GALNT7: variants seen among roughly 807,000 people sequenced by gnomAD.
The protein encoded by GALNT7 is N-acetylgalactosaminyltransferase 7.
GALNT7 carries 60 observed loss-of-function variants against 82.1 expected under a neutral mutation model. That is an observed-to-expected ratio of 0.73 (90% CI 0.59 to 0.91). The LOEUF (loss-of-function observed/expected upper bound fraction) is 0.91, where lower values mean the gene tolerates loss of function less well. Among genes scored for constraint, GALNT7 ranks in the 40% least tolerant of loss-of-function variants. The pLI, the probability that GALNT7 is intolerant of heterozygous loss-of-function variation, is 0.00. For missense variants in GALNT7, 660 were observed against 804.2 expected (o/e 0.82, Z 2.17); for synonymous variants, 243 against 275.1 (o/e 0.88, Z 1.15).
chr4:173,190,566 C>G (rs962567522), intron 1 of GALNT7, among the ~76,000 whole-genome samples: 3 of 151,962 alleles, frequency 2.0e-5, no homozygotes, highest in Non-Finnish European at 4.4e-5. Context: ...TGATCTTATC[C>G]AAACATGAAT....
chr4:173,176,563 A>C (rs1324484507), intron 1 of GALNT7, among the ~76,000 whole-genome samples: 1 of 152,242 alleles, frequency 6.6e-6, no homozygotes, highest in East Asian at 1.9e-4. Context: ...CCAGATGCAC[A>C]AGTAAACAAT....
intron 11 of GALNT7, among the ~76,000 whole-genome samples, chr4:173,321,292 G>A (rs993063519): frequency 6.6e-6 from 1 of 152,286 alleles, no homozygotes; most frequent in Non-Finnish European, 1.5e-5. Flanking sequence ...ATAGGAACAA[G>A]AGACATAGAT....
intron 2 of GALNT7, among the ~76,000 whole-genome samples, chr4:173,259,634 T>C (rs1735180284): frequency 6.6e-6 from 1 of 152,098 alleles, no homozygotes; most frequent in South Asian, 2.1e-4. Flanking sequence ...TTACTTGGTT[T>C]TGTTTTTTGT....
At chr4:173,298,525 G>A (rs1561195266) in intron 6 of GALNT7, among the ~76,000 whole-genome samples, 2 of 152,038 alleles carry the variant, frequency 1.3e-5, no homozygotes, top group Non-Finnish European at 2.9e-5. Flanking sequence ...CACTTTCATT[G>A]GGGAAAGAAA....
At chr4:173,288,237 C>T (rs543185551) in intron 2 of GALNT7, among the ~76,000 whole-genome samples, 3 of 136,146 alleles carry the variant, frequency 2.2e-5, no homozygotes, top group Non-Finnish European at 3.0e-5. Context: ...GAGCCGAGAT[C>T]GCGCCACTGC....
intron 4 of GALNT7, 58 bp downstream of exon 4, chr4:173,295,584 C>T (rs1182922251): frequency 1.3e-6 from 2 of 1,507,146 alleles, no homozygotes; most frequent in South Asian, 1.2e-5. Flanking sequence ...CTAAATCATA[C>T]ACATTTTTAA....
intron 1 of GALNT7, among the ~76,000 whole-genome samples, chr4:173,218,845 C>T (rs1447961472): frequency 6.6e-6 from 1 of 152,138 alleles, no homozygotes; most frequent in Admixed American, 6.6e-5. Context: ...TATTGACCCC[C>T]TGCTGGTTCT....
At chr4:173,297,945 G>A (rs1425562617) in intron 5 of GALNT7, 170 bp from the exon 6 acceptor site, 1 of 1,480,262 alleles carries the variant, frequency 6.8e-7, no homozygotes, top group East Asian at 2.5e-5. Context: ...ACAAGGAAAA[G>A]GCCAAAAGAA....
chr4:173,267,175 A>G (rs970321689), intron 2 of GALNT7, among the ~76,000 whole-genome samples: 2 of 152,164 alleles, frequency 1.3e-5, no homozygotes, highest in African/African-American at 4.8e-5. Context: ...GCATGTATCC[A>G]TATATCACAT....
At chr4:173,178,050 TGTGCGCGCACGCGC>T (rs1732118505) in intron 1 of GALNT7, among the ~76,000 whole-genome samples, 1 of 117,622 alleles carries the variant, frequency 8.5e-6, no homozygotes, top group African/African-American at 3.4e-5. Context: ...TGTGTGTGTG[TGTGCGCGCACGCGC>T]GTGCGCACAG....
At chr4:173,311,779 C>T (rs1049452699) in intron 8 of GALNT7, among the ~76,000 whole-genome samples, 1 of 152,160 alleles carries the variant, frequency 6.6e-6, no homozygotes, top group Non-Finnish European at 1.5e-5. Context: ...AGATCCAAAC[C>T]ATATCAAGTG....
chr4:173,213,452 T>C (rs1302490658), intron 1 of GALNT7, among the ~76,000 whole-genome samples: 1 of 152,004 alleles, frequency 6.6e-6, no homozygotes, highest in Non-Finnish European at 1.5e-5. Flanking sequence ...AAAAAAAAAG[T>C]TGTTATTTCT....
chr4:173,236,054 A>C (rs1173535742), intron 1 of GALNT7, among the ~76,000 whole-genome samples: 1 of 152,210 alleles, frequency 6.6e-6, no homozygotes, highest in Non-Finnish European at 1.5e-5. Context: ...TTAAACCATC[A>C]GTTAGGCATT....
rs373534756 is a variant in GALNT7, at chr4:173,298,160, A to G, written c.1011A>G (p.Thr337=). The change falls in exon 6 of 12, where the codon ACA becomes ACG. Residue 337 remains threonine (T), a synonymous_variant. Transcript: ENST00000265000. The part of the protein sequence containing the change: ...VPLIDVINGN[T]YEIIPQGGGD... ...TTATAGATGTCATAAATGGCAACAC[A>G]TATGAAATTATACCCCAAGGGGGTG... 6.8e-6 allele frequency: 11 copies of G among 1,613,932 alleles called. No individual in the cohort carries two copies. The African/African-American group carries it at 1.3e-4, about 20-fold the overall frequency.
At chr4:173,183,671 C>A (rs973449102) in intron 1 of GALNT7, among the ~76,000 whole-genome samples, 1 of 152,154 alleles carries the variant, frequency 6.6e-6, no homozygotes, top group Non-Finnish European at 1.5e-5. Flanking sequence ...TTGGGTACAC[C>A]TCCCAGACGG....
intron 2 of GALNT7, among the ~76,000 whole-genome samples, chr4:173,268,833 C>A (rs1187151235): frequency 6.6e-6 from 1 of 152,000 alleles, no homozygotes; most frequent in African/African-American, 2.4e-5. Flanking sequence ...GCCACCGCAC[C>A]CGGACACTTG....
intron 1 of GALNT7, chr4:173,169,222 G>T (rs977191979): frequency 2.7e-5 from 4 of 150,428 alleles, no homozygotes; most frequent in Admixed American, 2.0e-4. Flanking sequence ...CCGCGCTGCC[G>T]CGGCAGCGGC....
intron 9 of GALNT7, chr4:173,316,459 G>C (rs1276729665): frequency 6.6e-6 from 1 of 151,990 alleles, no homozygotes; most frequent in African/African-American, 2.4e-5. Context: ...CAGACAAATT[G>C]TCTACTATGT....
rs79371520 is a variant in GALNT7 at position 173,169,138 on chromosome 4, C to T, written c.126+177C>T. 809 of 331,130 alleles carry T rather than the reference C, an allele frequency of 2.4e-3. 7 individuals carry two copies. Among genetic ancestry groups the T allele is most frequent in the African/African-American group, 0.016 (752 of 45,730 alleles). The allele number at this position is 331,130 out of a possible 1,614,324, so 20.5% of individuals were successfully genotyped here. A position where few individuals can be genotyped will look rare whatever the true frequency, so the allele number is the denominator to read the frequency against. On this transcript the variant is annotated intron_variant, in intron 1 of 11. Transcript: ENST00000265000. Reference sequence around the variant, plus strand: ...GCCGAGCCCCGCGCACTCCGACCTCCCTGGCCGCCGCCGGCCCGCCCCCTC... The same window carrying T: ...GCCGAGCCCCGCGCACTCCGACCTCTCTGGCCGCCGCCGGCCCGCCCCCTC...
Sources: allele counts gnomAD v4.1 joint callset (sites outside exome capture counted in the v4.1 genomes callset), GRCh38; gene constraint gnomAD v4.1.1; transcripts MANE v1.5; gene names NCBI Gene and HGNC (gene_info 2026-07-23, HGNC 2026-07-21).